The following RANBP3L variants were observed in gnomAD, a reference collection of about 807,000 sequenced individuals.
The protein encoded by RANBP3L is ran-binding protein 3-like.
In RANBP3L, 56 loss-of-function variants were observed where a neutral mutation model predicts 67.2. The observed-to-expected ratio is 0.83, with a 90% CI of 0.67 to 1.04. The LOEUF is 1.04. RANBP3L is among the 50% of genes least tolerant of loss of function. RANBP3L has a pLI of 0.00. For missense variants in RANBP3L, 496 were observed against 535.5 expected (o/e 0.93, Z 0.73); for synonymous variants, 164 against 181.4 (o/e 0.90, Z 0.77).
At chr5:36,276,557 T>A (rs1362739887) in intron 1 of RANBP3L, among the ~76,000 whole-genome samples, 1 of 152,216 alleles carries the variant, frequency 6.6e-6, no homozygotes, top group African/African-American at 2.4e-5. Context: ...GATTTTAAAG[T>A]ATTATACTAT....
chr5:36,280,525 G>A (rs1393730120), intron 1 of RANBP3L, among the ~76,000 whole-genome samples: 2 of 152,144 alleles, frequency 1.3e-5, no homozygotes, highest in African/African-American at 4.8e-5. Flanking sequence ...CCTAAAAACA[G>A]AATTTTTGTT....
chr5:36,258,613 A>G (rs938107765), intron 8 of RANBP3L, among the ~76,000 whole-genome samples: 1 of 152,258 alleles, frequency 6.6e-6, no homozygotes, highest in African/African-American at 2.4e-5. Context: ...TTAAAGAGAT[A>G]GTTCAGGTTC....
intron 8 of RANBP3L, among the ~76,000 whole-genome samples, chr5:36,260,197 C>A (rs1446844949): frequency 2.2e-4 from 31 of 139,808 alleles, no homozygotes; most frequent in South Asian, 4.8e-4. Flanking sequence ...ACTAAAAATA[C>A]AAAAAAAAAA....
rs754060353 is a variant in RANBP3L, at chr5:36,251,427, T to C, written c.1240A>G (p.Lys414Glu). 3 of 1,613,210 alleles carry C rather than the reference T, an allele frequency of 1.9e-6. No individual in the cohort carries two copies. Among genetic ancestry groups the C allele is most frequent in the Non-Finnish European group, 2.5e-6 (3 of 1,179,418 alleles). Residue 414 changes from lysine (K) to glutamate (E), a missense_variant, in exon 13 of 14, where the codon AAG (lysine) becomes GAG (glutamate). Physicochemically the swap from Lys to Glu is moderately conservative, Grantham distance 56. Coordinates refer to ENST00000296604, the MANE Select transcript of RANBP3L (RefSeq NM_145000.5). ...TCAGCTTGATTGACATCTCTCTGCT[T>C]ATTGAAGCTTTGAAGTGCAACAAGA... is the stretch of plus-strand genomic sequence containing the variant. The part of the protein sequence containing the change: ...HRLVALQSFN[K>E]QRDVNQAESL...
At chr5:36,269,527 A>G in intron 3 of RANBP3L, 60 bp from the exon 4 acceptor site, 1 of 973,958 alleles carries the variant, frequency 1.0e-6, no homozygotes, top group African/African-American at 1.6e-5. Flanking sequence ...TCCTCAACTC[A>G]TGATAGGGTA....
At chr5:36,259,716 C>G (rs1020209250) in intron 8 of RANBP3L, among the ~76,000 whole-genome samples, 1 of 152,116 alleles carries the variant, frequency 6.6e-6, no homozygotes, top group African/African-American at 2.4e-5. Flanking sequence ...CTGAGACAAG[C>G]TAGGCACGTT....
rs1752625188 is a variant in RANBP3L, at chr5:36,301,652, T to C, written c.-236A>G. 1 of 429,570 alleles carries C rather than the reference T, an allele frequency of 2.3e-6. No homozygotes were observed. Among genetic ancestry groups the C allele is most frequent in the East Asian group, 3.3e-5 (1 of 29,894 alleles). 26.6% of individuals were successfully genotyped at this position (429,570 alleles called of 1,614,324 possible). ...AATATAAAGATGCCAATTCATTTGGTTAAAAACACAACTTAATTCCTTCAT... is the reference window on the plus strand; with the variant it reads ...AATATAAAGATGCCAATTCATTTGGCTAAAAACACAACTTAATTCCTTCAT... On this transcript the variant is annotated 5_prime_UTR_variant, in exon 1 of 14. Transcript: ENST00000296604.
chr5:36,258,523 A>G (rs1749152000), intron 8 of RANBP3L, among the ~76,000 whole-genome samples: 1 of 152,208 alleles, frequency 6.6e-6, no homozygotes, highest in Non-Finnish European at 1.5e-5. Context: ...CCCCCAAATC[A>G]CAAGGCCAAA....
Position 36,256,935 on chromosome 5 carries a change from A to G in RANBP3L, c.903+6T>C, listed in dbSNP as rs1292520776. The G allele has an allele frequency of 6.2e-7, 1 of 1,611,122 alleles. No individual in the cohort carries two copies. Among genetic ancestry groups the G allele is most frequent in the East Asian group, 2.2e-5 (1 of 44,742 alleles). ...TACCAGAAAGAGTAAAACATGATAT[A>G]CAGACCTTTAACACATTATGTTCTG... On this transcript the variant is annotated splice_donor_region_variant and intron_variant, in intron 10 of 13. Transcript: ENST00000296604.
chr5:36,292,191 A>G (rs1412235387), intron 1 of RANBP3L, among the ~76,000 whole-genome samples: 2 of 152,148 alleles, frequency 1.3e-5, no homozygotes, highest in African/African-American at 4.8e-5. Context: ...GGCTGCATAA[A>G]TGTCTTCTTT....
rs369770144 is a variant in RANBP3L, at chr5:36,264,950, C to A, written c.480+9G>T. 87 of 1,609,622 alleles carry A rather than the reference C, an allele frequency of 5.4e-5. No individual in the cohort carries two copies. Among genetic ancestry groups the A allele is most frequent in the Non-Finnish European group, 7.4e-5 (87 of 1,178,544 alleles). On this transcript the variant is annotated intron_variant, in intron 6 of 13. Transcript: ENST00000296604. ...TTGAGGTCAGTTCCGTTATCCTGGG[C>A]TTTCTCACCTTATTATTTGTTTTTT...
intron 4 of RANBP3L, chr5:36,268,189 T>C (rs1749944961): frequency 1.3e-6 from 2 of 1,524,898 alleles, no homozygotes; most frequent in Non-Finnish European, 1.8e-6. Flanking sequence ...AAACTCTTTA[T>C]TACCTGGCCC....
rs1350810403 is a variant in RANBP3L, at chr5:36,255,556, G to C, written c.938C>G (p.Thr313Arg). The C allele has an allele frequency of 6.2e-7, 1 of 1,610,090 alleles. No homozygotes were observed. The highest frequency in any genetic ancestry group is 8.5e-7 in the Non-Finnish European group (1 of 1,177,368). ...TCTGCCCCTTTCAATCCAGGATTGT[G>C]TTGTTTTGTTGAATATGAAAAGCTT... ...NCKLFIFNKT[T>R]QSWIERGRGT... is the part of the protein sequence containing the mutation. The change falls in exon 11 of 14, where the codon ACA becomes AGA. Residue 313 changes from threonine to arginine, a missense_variant. By Grantham distance (71) the Thr-to-Arg change is moderately conservative. Coordinates refer to ENST00000296604, the MANE Select transcript of RANBP3L (RefSeq NM_145000.5).
chr5:36,290,452 A>G (rs930482998), intron 1 of RANBP3L, among the ~76,000 whole-genome samples: 1 of 151,854 alleles, frequency 6.6e-6, no homozygotes, highest in East Asian at 2.0e-4. Context: ...CCTGGCCTCA[A>G]GTGATCTGCC....
At chr5:36,253,452 T>A (rs1483073817) in intron 12 of RANBP3L, among the ~76,000 whole-genome samples, 195 bp downstream of exon 12, 6 of 152,112 alleles carry the variant, frequency 3.9e-5, no homozygotes, top group Admixed American at 3.3e-4. Flanking sequence ...TGAGTACCAA[T>A]TGATTACATA....
At position 36,269,825 on chromosome 5, in the gene RANBP3L, C is replaced by A. The variant is rs1182225472; in HGVS notation, c.190+126G>T. On this transcript the variant is annotated intron_variant, in intron 3 of 13. Coordinates refer to ENST00000296604, the MANE Select transcript of RANBP3L (RefSeq NM_145000.5). The stretch of plus-strand genomic sequence containing the variant: ...ATCTTTCAAAACAAAAGTGAATCTA[C>A]TGGCATATTTAAAAAAAGAAAAAAC... 6.2e-6 allele frequency: 5 copies of A among 809,842 alleles called. No homozygotes were observed. In the East Asian group the frequency reaches 1.2e-4, roughly 20 times the overall value. 50.2% of individuals were successfully genotyped at this position (809,842 alleles called of 1,614,324 possible). A position where few individuals can be genotyped will look rare whatever the true frequency, so the allele number is the denominator to read the frequency against.
At chr5:36,268,710 T>C (rs1579716346) in intron 4 of RANBP3L, among the ~76,000 whole-genome samples, 1 of 151,756 alleles carries the variant, frequency 6.6e-6, no homozygotes, top group African/African-American at 2.4e-5. Flanking sequence ...AAATAGGCGG[T>C]TACTTTTTTT....
At chr5:36,261,334 A>T (rs906401182) in intron 7 of RANBP3L, among the ~76,000 whole-genome samples, 5 of 152,074 alleles carry the variant, frequency 3.3e-5, no homozygotes, top group Admixed American at 6.5e-5. Context: ...AGTGTTTTTC[A>T]TGATGAGAAA....
rs369059955 is a variant in RANBP3L at position 36,301,722 on chromosome 5, A to G, written c.-306T>C. 6 of 254,668 alleles carry G rather than the reference A, an allele frequency of 2.4e-5. No individual in the cohort carries two copies. Among genetic ancestry groups the G allele is most frequent in the African/African-American group, 2.2e-5 (1 of 45,790 alleles). 15.8% of individuals were successfully genotyped at this position (254,668 alleles called of 1,614,324 possible). A position where few individuals can be genotyped will look rare whatever the true frequency, so the allele number is the denominator to read the frequency against. On this transcript the variant is annotated 5_prime_UTR_variant, in exon 1 of 14. Coordinates refer to ENST00000296604, the MANE Select transcript of RANBP3L (RefSeq NM_145000.5). ...AAACCTCCTTATAGAGTAAAATTCT[A>G]CAAATTAACTATTTCTAACAGATTA...
Sources: gnomAD v4.1 joint callset for allele counts (sites outside exome capture counted in the v4.1 genomes callset) on GRCh38, gnomAD v4.1.1 for gene constraint, MANE v1.5 for transcripts, NCBI Gene and HGNC (gene_info 2026-07-23, HGNC 2026-07-21) for gene names.